The following TSHZ2 variants were observed in gnomAD, a reference collection of about 807,000 sequenced individuals.
The protein encoded by TSHZ2 is teashirt homolog 2.
A neutral mutation model predicts 74.4 loss-of-function variants in TSHZ2; 21 were observed. That is an observed-to-expected ratio of 0.28 (90% CI 0.20 to 0.41). The LOEUF (loss-of-function observed/expected upper bound fraction) is 0.41. Ranked by LOEUF, TSHZ2 falls within the 10% of genes least tolerant of loss-of-function variation. The pLI is 1.00. For synonymous variants in TSHZ2, 540 were observed against 515.3 expected, an observed-to-expected ratio of 1.05 and a Z score of -0.65; for missense variants, 1,244 against 1,293.5, an observed-to-expected ratio of 0.96 and a Z score of 0.59.
In TSHZ2 at chr20:53,174,394, A is replaced by G. The variant is rs73270668; in HGVS notation, c.41-79105A>G. Among the ~76,000 whole-genome samples, 931 of 152,370 alleles carry G rather than the reference A, an allele frequency of 6.1e-3. 7 individuals carry two copies. The highest frequency in any genetic ancestry group is 0.021 in the African/African-American group (883 of 41,590). On this transcript the variant is annotated intron_variant, in intron 1 of 2. Coordinates refer to ENST00000371497, the MANE Select transcript of TSHZ2 (RefSeq NM_173485.6). ...GCAGTTGAGACCTGGGGACTCAACC[A>G]TAAGTCTTGCTGTTTGTCAAAAGCA...
At chr20:53,453,152 G>GATGA (rs956055130) in intron 2 of TSHZ2, 2 of 152,152 alleles carry the variant, frequency 1.3e-5, no homozygotes, top group Non-Finnish European at 2.9e-5. Context: ...TGAATGAACT[G>GATGA]ATGAATGAAT....
chr20:53,468,297 C>T (rs1985622197), intron 2 of TSHZ2, among the ~76,000 whole-genome samples: 1 of 152,176 alleles, frequency 6.6e-6, no homozygotes, highest in African/African-American at 2.4e-5. Flanking sequence ...ACAGGGCAAA[C>T]TCTCATGCCA....
Position 53,147,907 on chromosome 20 carries a change from G to A in TSHZ2, c.41-105592G>A, listed in dbSNP as rs549155468. On this transcript the variant is annotated intron_variant, in intron 1 of 2. Transcript: ENST00000371497. Reference sequence around the variant, plus strand: ...AACTTTTGTATTTTTAGTAGAGCTGGGGTTTCACCATGTTGGTCAGGCTGG... The same window carrying A: ...AACTTTTGTATTTTTAGTAGAGCTGAGGTTTCACCATGTTGGTCAGGCTGG... 2.0e-5 allele frequency among the ~76,000 whole-genome samples: 3 copies of A among 152,228 alleles called. 1 individual carries two copies. The East Asian group carries it at 5.8e-4, about 29-fold the overall frequency.
chr20:53,406,641 A>G (rs555718245), intron 2 of TSHZ2, among the ~76,000 whole-genome samples: 3 of 152,284 alleles, frequency 2.0e-5, no homozygotes, highest in African/African-American at 7.2e-5. Flanking sequence ...CATATCTACC[A>G]TGTGCCAGGC....
At chr20:53,370,679 G>C (rs750880626) in intron 2 of TSHZ2, among the ~76,000 whole-genome samples, 1 of 152,106 alleles carries the variant, frequency 6.6e-6, no homozygotes, top group Non-Finnish European at 1.5e-5. Flanking sequence ...TGGGAAGATC[G>C]GTTGAGGCCA....
chr20:53,214,411 G>C (rs1009121691), intron 1 of TSHZ2, among the ~76,000 whole-genome samples: 1 of 152,134 alleles, frequency 6.6e-6, no homozygotes, highest in African/African-American at 2.4e-5. Context: ...TATGGGAAGG[G>C]GCTTTTAAGA....
intron 2 of TSHZ2, among the ~76,000 whole-genome samples, chr20:53,485,243 AT>A (rs1399366756): frequency 6.6e-6 from 1 of 152,244 alleles, no homozygotes; most frequent in Non-Finnish European, 1.5e-5. Context: ...GTATTATTGA[AT>A]AAAAATTGCA....
At chr20:52,977,021 A>C (rs1981366636) in intron 1 of TSHZ2, among the ~76,000 whole-genome samples, 1 of 152,214 alleles carries the variant, frequency 6.6e-6, no homozygotes, top group Non-Finnish European at 1.5e-5. Context: ...TCATTACTTA[A>C]AAGTTGCAAT....
At chr20:53,471,633 G>C (rs1055474554) in intron 2 of TSHZ2, among the ~76,000 whole-genome samples, 1 of 152,116 alleles carries the variant, frequency 6.6e-6, no homozygotes, top group Non-Finnish European at 1.5e-5. Flanking sequence ...GGGAAGAAGA[G>C]CATGCTAAGC....
intron 1 of TSHZ2, among the ~76,000 whole-genome samples, chr20:53,090,767 T>G (rs773964489): frequency 6.6e-6 from 1 of 152,170 alleles, no homozygotes; most frequent in Non-Finnish European, 1.5e-5. Flanking sequence ...TCATCGAGCC[T>G]CTGGTTTGAG....
chr20:53,430,351 C>T (rs542727238), intron 2 of TSHZ2, among the ~76,000 whole-genome samples: 94 of 152,096 alleles, frequency 6.2e-4, no homozygotes, highest in African/African-American at 1.7e-3. Context: ...GTGATCCACC[C>T]GCCTTGGCCT....
intron 1 of TSHZ2, among the ~76,000 whole-genome samples, chr20:53,083,079 CCTT>C (rs1461181995): frequency 6.6e-6 from 1 of 152,204 alleles, no homozygotes; most frequent in African/African-American, 2.4e-5. Flanking sequence ...TGCAACCTAA[CCTT>C]CTGTGTATAA....
intron 2 of TSHZ2, among the ~76,000 whole-genome samples, chr20:53,342,525 TAGTA>T (rs1240266379): frequency 6.6e-6 from 1 of 152,176 alleles, no homozygotes; most frequent in African/African-American, 2.4e-5. Context: ...CATCAATTCA[TAGTA>T]AGTATTATCT....
At chr20:53,259,409 A>G (rs1443474066) in intron 2 of TSHZ2, among the ~76,000 whole-genome samples, 1 of 152,256 alleles carries the variant, frequency 6.6e-6, no homozygotes, top group Non-Finnish European at 1.5e-5. Context: ...TTAAGTGTGC[A>G]TCTCTATTTT....
At chr20:53,326,174 G>A (rs1182199609) in intron 2 of TSHZ2, among the ~76,000 whole-genome samples, 1 of 152,236 alleles carries the variant, frequency 6.6e-6, no homozygotes, top group African/African-American at 2.4e-5. Flanking sequence ...AGAGAGGACT[G>A]TGCTTGTCAC....
Position 53,266,772 on chromosome 20 carries a change from ATTT to A in TSHZ2, c.*8+10222_*8+10224del, listed in dbSNP as rs11344692. On this transcript the variant is annotated intron_variant, in intron 2 of 2. Transcript: ENST00000371497. ...GTCTAGCAGGGGAGGCCGATCGACG[ATTT>A]TTTTTTTTTTTTTTTTTTTTGAGAC... 4.3e-3 allele frequency among the ~76,000 whole-genome samples: 424 copies of A among 98,746 alleles called. 5 individuals carry two copies. Among genetic ancestry groups the A allele is most frequent in the African/African-American group, 0.012 (285 of 23,016 alleles). 64.8% of individuals were successfully genotyped at this position (98,746 alleles called of 152,430 possible).
chr20:53,405,865 T>G (rs568708764), intron 2 of TSHZ2, among the ~76,000 whole-genome samples: 26 of 152,078 alleles, frequency 1.7e-4, no homozygotes, highest in African/African-American at 6.3e-4. Flanking sequence ...GGCGTCATGG[T>G]GTGTGCCTGT....
chr20:53,331,487 C>T (rs1034238735), intron 2 of TSHZ2, among the ~76,000 whole-genome samples: 5 of 152,116 alleles, frequency 3.3e-5, no homozygotes, highest in African/African-American at 1.2e-4. Flanking sequence ...CACCGCCAAC[C>T]ATGCACGACC....
chr20:53,255,704 C>A lies in TSHZ2; in HGVS notation c.2246C>A (p.Ser749Ter). 1 of 1,601,796 alleles carries A rather than the reference C, an allele frequency of 6.2e-7. No individual in the cohort carries two copies. The highest frequency in any genetic ancestry group is 1.1e-5 in the South Asian group (1 of 88,766). ...GTCTTGAGTCCTGCCTCCACAAGGT[C>A]AGCCAGCGTGTCCAGGCGCTACCTG... The part of the protein sequence containing the change: ...KPVLSPASTR[S>*]ASVSRRYLFE... The change falls in exon 2 of 3, where the codon TCA (serine) becomes TAA (stop). Residue 749 changes from serine to a stop codon, truncating the protein, a stop_gained. Coordinates refer to ENST00000371497, the MANE Select transcript of TSHZ2 (RefSeq NM_173485.6). LOFTEE classifies it high-confidence loss of function. The surrounding 1 kb of genome is among the most constrained non-coding windows in gnomAD (Gnocchi z 4.1).
Sources: allele counts gnomAD v4.1 joint callset (sites outside exome capture counted in the v4.1 genomes callset), GRCh38; gene constraint gnomAD v4.1.1; non-coding constraint Gnocchi (gnomAD v3.1); transcripts MANE v1.5; gene names NCBI Gene and HGNC (gene_info 2026-07-23, HGNC 2026-07-21).